Variants in CA10 observed in about 807,000 individuals in gnomAD.
The protein encoded by CA10 is carbonic anhydrase 10 (inactive).
A neutral mutation model predicts 44.2 loss-of-function variants in CA10; 14 were observed. The observed-to-expected ratio is 0.32, with a 90% CI of 0.21 to 0.50. The LOEUF (loss-of-function observed/expected upper bound fraction) is 0.50, where lower values mean the gene tolerates loss of function less well. CA10 is among the 20% of genes least tolerant of loss of function. The probability of loss-of-function intolerance (pLI) is 0.99; values close to 1 mark genes in which losing one functional copy is unlikely to be tolerated. For missense variants in CA10, 350 were observed against 409.7 expected, an observed-to-expected ratio of 0.85 and a Z score of 1.26; for synonymous variants, 159 against 141.6, an observed-to-expected ratio of 1.12 and a Z score of -0.87.
At chr17:51,700,644 C>T (rs977172380) in intron 4 of CA10, among the ~76,000 whole-genome samples, 1 of 152,206 alleles carries the variant, frequency 6.6e-6, no homozygotes, top group African/African-American at 2.4e-5. Flanking sequence ...CCCTTGCCTG[C>T]CTAACCTCTC....
At chr17:51,895,379 G>T (rs1192702642) in intron 3 of CA10, among the ~76,000 whole-genome samples, 1 of 152,046 alleles carries the variant, frequency 6.6e-6, no homozygotes, top group East Asian at 1.9e-4. Context: ...ATTAAAGTAT[G>T]GGGCAGAGGG....
intron 3 of CA10, among the ~76,000 whole-genome samples, chr17:51,767,639 C>T (rs1416665271): frequency 6.6e-6 from 1 of 151,916 alleles, no homozygotes; most frequent in Admixed American, 6.6e-5. Flanking sequence ...ATTTATTGTG[C>T]ACTTTATTTC....
chr17:51,998,835 TAATCA>T (rs1181969861), intron 2 of CA10, among the ~76,000 whole-genome samples: 1 of 151,904 alleles, frequency 6.6e-6, no homozygotes, highest in African/African-American at 2.4e-5. Flanking sequence ...CAGCTGAGAG[TAATCA>T]AATGAGTCTC....
intron 3 of CA10, among the ~76,000 whole-genome samples, chr17:51,853,490 C>T (rs574592983): frequency 2.5e-4 from 38 of 152,294 alleles, no homozygotes; most frequent in African/African-American, 9.1e-4. Context: ...ATTGGGAATG[C>T]CCCAAACCCC....
rs771468717 is a variant in CA10 at position 51,633,433 on chromosome 17, A to G, written c.964+43T>C. On this transcript the variant is annotated intron_variant, in intron 8 of 8. Coordinates refer to ENST00000451037, the MANE Select transcript of CA10 (RefSeq NM_020178.5). ...AGAACAGGTCTAAGCAGAAAGACTG[A>G]GCTCTAGCCTAGATCCTCCACTCTC... The G allele has an allele frequency of 8.3e-6, 13 of 1,563,724 alleles. No homozygotes were observed. The East Asian group carries it at 2.7e-4, about 33-fold the overall frequency.
At chr17:51,707,441 C>A (rs558586900) in intron 4 of CA10, among the ~76,000 whole-genome samples, 12 of 152,090 alleles carry the variant, frequency 7.9e-5, no homozygotes, top group Non-Finnish European at 1.6e-4. Context: ...TTACTCACCT[C>A]CTGAAGGTGA....
intron 2 of CA10, among the ~76,000 whole-genome samples, chr17:52,062,860 G>C (rs1987427868): frequency 6.6e-6 from 1 of 152,242 alleles, no homozygotes. Context: ...GCCCAGGGGA[G>C]CTGTGGGAAC....
intron 4 of CA10, among the ~76,000 whole-genome samples, chr17:51,677,889 C>A (rs966346013): frequency 1.1e-4 from 4 of 35,826 alleles, no homozygotes; most frequent in South Asian, 1.2e-3. Context: ...GTATACACCC[C>A]CCCCCCCACC....
intron 1 of CA10, among the ~76,000 whole-genome samples, chr17:52,154,624 T>G (rs1387328078): frequency 5.9e-5 from 9 of 152,208 alleles, no homozygotes; most frequent in Admixed American, 5.9e-4. Flanking sequence ...TCTCCCTCTC[T>G]CTTTCTGTCT....
chr17:51,883,353 C>T lies in CA10; in HGVS notation c.279+47637G>A, dbSNP rs559568953. Among the ~76,000 whole-genome samples the T allele has an allele frequency of 3.3e-5, 5 of 152,296 alleles. No individual in the cohort carries two copies. The South Asian group carries it at 8.3e-4, about 25-fold the overall frequency. On this transcript the variant is annotated intron_variant, in intron 3 of 8. Coordinates refer to ENST00000451037, the MANE Select transcript of CA10 (RefSeq NM_020178.5). ...AAAAAATCCCCTCCTGATCACTCTT[C>T]CCACTTGTGCTTTTATTACTCCATT...
chr17:51,697,987 T>C (rs1354657816), intron 4 of CA10, among the ~76,000 whole-genome samples: 1 of 152,190 alleles, frequency 6.6e-6, no homozygotes, highest in African/African-American at 2.4e-5. Context: ...GGGGCCCAGG[T>C]GGCCATCTGA....
chr17:51,761,467 A>T (rs1905215622), intron 3 of CA10: 1 of 152,156 alleles, frequency 6.6e-6, no homozygotes, highest in South Asian at 2.1e-4. Context: ...TGAATCTGAA[A>T]ATCATTTAAA....
intron 8 of CA10, among the ~76,000 whole-genome samples, chr17:51,632,531 C>CTATT (rs1448009530): frequency 2.0e-5 from 3 of 152,154 alleles, no homozygotes; most frequent in Non-Finnish European, 2.9e-5. Context: ...CACAGCCCTC[C>CTATT]TATTTGGGGA....
chr17:51,839,650 A>G (rs543484257), intron 3 of CA10, among the ~76,000 whole-genome samples: 1 of 152,312 alleles, frequency 6.6e-6, no homozygotes, highest in East Asian at 1.9e-4. Flanking sequence ...AACTAGACAT[A>G]TAAAGTAATG....
chr17:51,636,203 C>T lies in CA10; in HGVS notation c.635-194G>A, dbSNP rs555098325. Among the ~76,000 whole-genome samples, 4 of 152,224 alleles carry T rather than the reference C, an allele frequency of 2.6e-5. No individual in the cohort carries two copies. The South Asian group carries it at 8.3e-4, about 32-fold the overall frequency. On this transcript the variant is annotated intron_variant, in intron 6 of 8. Transcript: ENST00000451037. The stretch of plus-strand genomic sequence containing the variant: ...GGCTGCAGTAACAAGCAGTTGTCCC[C>T]CAGATCTCGGTTGTTTTAAGCAATA...
At chr17:52,095,726 A>C (rs955418619) in intron 1 of CA10, among the ~76,000 whole-genome samples, 1 of 152,078 alleles carries the variant, frequency 6.6e-6, no homozygotes, top group Non-Finnish European at 1.5e-5. Context: ...TAAATTAATC[A>C]TTTTAGCCTG....
chr17:51,905,953 T>C (rs140602221), intron 3 of CA10, among the ~76,000 whole-genome samples: 40 of 152,222 alleles, frequency 2.6e-4, no homozygotes, highest in Admixed American at 1.8e-3. Flanking sequence ...CCTCCAGTTA[T>C]GGGGGTAAGC....
chr17:52,148,513 A>G (rs2143404515), intron 1 of CA10, among the ~76,000 whole-genome samples: 1 of 152,328 alleles, frequency 6.6e-6, no homozygotes, highest in African/African-American at 2.4e-5. Context: ...CATATTGCTC[A>G]TTGGGAAGGT....
chr17:51,717,136 A>G (rs1243575140), intron 4 of CA10, among the ~76,000 whole-genome samples: 1 of 152,048 alleles, frequency 6.6e-6, no homozygotes, highest in Admixed American at 6.5e-5. Context: ...TTTTTGTTCT[A>G]ATGCTTGGCT....
Sources: allele counts gnomAD v4.1 joint callset (sites outside exome capture counted in the v4.1 genomes callset), GRCh38; gene constraint gnomAD v4.1.1; transcripts MANE v1.5; gene names NCBI Gene and HGNC (gene_info 2026-07-23, HGNC 2026-07-21).